Variants in FBLN1 observed in about 807,000 individuals in gnomAD.
FBLN1 encodes the protein fibulin 1.
FBLN1 carries 34 observed loss-of-function variants against 89.7 expected under a neutral mutation model. That is an observed-to-expected ratio of 0.38 (90% confidence interval 0.29 to 0.50). The LOEUF is 0.50. Among genes scored for constraint, FBLN1 ranks in the 20% least tolerant of loss-of-function variants. The pLI, the probability that FBLN1 is intolerant of heterozygous loss-of-function variation, is 0.92. For synonymous variants in FBLN1, 393 were observed against 391.3 expected (o/e 1.00, Z -0.05); for missense variants, 777 against 988.1 (o/e 0.79, Z 2.86).
At position 45,574,312 on chromosome 22, in the gene FBLN1, G is replaced by A. The variant is rs936922154; in HGVS notation, c.1698-199G>A. Among the ~76,000 whole-genome samples, 8 of 152,166 alleles carry A rather than the reference G, an allele frequency of 5.3e-5. No individual in the cohort carries two copies. The highest frequency in any genetic ancestry group is 1.9e-4 in the East Asian group (1 of 5,198). On this transcript the variant is annotated intron_variant, in intron 14 of 16. Transcript: ENST00000327858. This position sits in a 1 kb window ranked among gnomAD's most constrained non-coding sequence, Gnocchi z 4.1. ...AGGGTGTTGCTGGCATTTAGGTCCC[G>A]GTCCAGTTTGCAGGAAGGGCCATGA...
At chr22:45,540,719 C>T (rs542259831) in intron 8 of FBLN1, among the ~76,000 whole-genome samples, 4 of 152,338 alleles carry the variant, frequency 2.6e-5, no homozygotes, top group East Asian at 1.9e-4. Context: ...AAATGCCCCA[C>T]GGTCCCCATG....
At chr22:45,539,547 A>G (rs1203814326) in intron 8 of FBLN1, among the ~76,000 whole-genome samples, 2 of 151,924 alleles carry the variant, frequency 1.3e-5, no homozygotes, top group Non-Finnish European at 2.9e-5. Flanking sequence ...AGGGCTTCCC[A>G]CGTGCCCTGG....
At chr22:45,508,145 T>A (rs577563699) in intron 1 of FBLN1, among the ~76,000 whole-genome samples, 1 of 152,214 alleles carries the variant, frequency 6.6e-6, no homozygotes, top group African/African-American at 2.4e-5. Context: ...CCCTCATCAA[T>A]GAGGGGACAT....
At chr22:45,592,910 T>A (rs1159933821) in intron 16 of FBLN1, among the ~76,000 whole-genome samples, 2 of 152,216 alleles carry the variant, frequency 1.3e-5, no homozygotes, top group African/African-American at 4.8e-5. Context: ...GTATGAGATA[T>A]TGTGCAGTCT....
rs2088686274 is a variant in FBLN1 at position 45,550,404 on chromosome 22, TGATGGG to T, written c.1574-87_1574-82del. The T allele has an allele frequency of 1.3e-6, 2 of 1,599,398 alleles. No homozygotes were observed. The highest frequency in any genetic ancestry group is 2.7e-5 in the African/African-American group (2 of 74,720). The stretch of plus-strand genomic sequence containing the variant: ...CCTGATCGCCACCCCTAACCCTAGT[TGATGGG>T]AGGCCTGGGCTCCTCCGTCTCCAGA... On this transcript the variant is annotated intron_variant, in intron 13 of 16. Transcript: ENST00000327858. This position sits in a 1 kb window ranked among gnomAD's most constrained non-coding sequence, Gnocchi z 8.4.
At chr22:45,571,865 T>C (rs1395568971) in intron 14 of FBLN1, among the ~76,000 whole-genome samples, 1 of 152,112 alleles carries the variant, frequency 6.6e-6, no homozygotes, top group African/African-American at 2.4e-5. Context: ...GCGCGGTGGC[T>C]CACACCTATA....
At position 45,562,202 on chromosome 22, in the gene FBLN1, A is replaced by G. The variant is rs551194583; in HGVS notation, c.1697+11587A>G. On this transcript the variant is annotated intron_variant, in intron 14 of 16. Coordinates refer to ENST00000327858, the MANE Select transcript of FBLN1 (RefSeq NM_006486.3). The surrounding 1 kb of genome is among the most constrained non-coding windows in gnomAD (Gnocchi z 7.8). Reference sequence around the variant, plus strand: ...GAAGTTAGGACCTGTCTCTGTTTCTATCACAGGAAGTTGGGATCTGGCCCT... The same window carrying G: ...GAAGTTAGGACCTGTCTCTGTTTCTGTCACAGGAAGTTGGGATCTGGCCCT... Among the ~76,000 whole-genome samples, 1 of 152,240 alleles carries G rather than the reference A, an allele frequency of 6.6e-6. No individual in the cohort carries two copies. Among genetic ancestry groups the G allele is most frequent in the Admixed American group, 6.5e-5 (1 of 15,298 alleles).
chr22:45,563,333 TAA>T lies in FBLN1; in HGVS notation c.1698-11176_1698-11175del. The T allele has an allele frequency of 6.2e-7, 1 of 1,608,580 alleles. No individual in the cohort carries two copies. Among genetic ancestry groups the T allele is most frequent in the Non-Finnish European group, 8.5e-7 (1 of 1,179,288 alleles). On this transcript the variant is annotated intron_variant, in intron 14 of 16. Coordinates refer to ENST00000327858, the MANE Select transcript of FBLN1 (RefSeq NM_006486.3). The surrounding 1 kb of genome is among the most constrained non-coding windows in gnomAD (Gnocchi z 5.7). ...CTAACCCTGCCCTCCGGGGCGTTAA[TAA>T]AGTCTTAGCAAGCGTCCCACACAGT...
chr22:45,600,158 A>G (rs754603568), intron 16 of FBLN1, 149 bp from the exon 17 acceptor site: 226 of 894,960 alleles, frequency 2.5e-4, no homozygotes, highest in Middle Eastern at 2.3e-3. Context: ...GATGTTATTC[A>G]GGGGACTCGA....
rs79440849 is a variant in FBLN1, at chr22:45,528,075, C to T, written c.484+66C>T. The T allele has an allele frequency of 1.8e-3, 2,877 of 1,556,542 alleles. 59 individuals are homozygous for T. In the African/African-American group the frequency reaches 0.035, roughly 19 times the overall value. Reference sequence around the variant, plus strand: ...GGTTCTCCGGGATGTGTATATAGAGCGAGAGTGGAGAGAGAGAGATTTTAA... The same window carrying T: ...GGTTCTCCGGGATGTGTATATAGAGTGAGAGTGGAGAGAGAGAGATTTTAA... On this transcript the variant is annotated intron_variant, in intron 4 of 16. Transcript: ENST00000327858.
At chr22:45,548,892 C>A in intron 13 of FBLN1, 148 bp downstream of exon 13, 1 of 1,281,858 alleles carries the variant, frequency 7.8e-7, no homozygotes, top group South Asian at 1.3e-5. Flanking sequence ...AGGCCCACCC[C>A]ATCCAAGGGG....
intron 12 of FBLN1, among the ~76,000 whole-genome samples, chr22:45,548,270 C>T (rs1444335797): frequency 2.6e-5 from 4 of 152,196 alleles, no homozygotes; most frequent in Admixed American, 6.5e-5. Context: ...AGGCTGGTCT[C>T]GAACTCCTGG....
At position 45,572,188 on chromosome 22, in the gene FBLN1, T is replaced by A. The variant is rs1008747368; in HGVS notation, c.1698-2323T>A. ...AAAACAGAAATACAAATCCAAGACTTCTTGGAGAAATGGTTGATTCCAGGT... is the reference window on the plus strand; with the variant it reads ...AAAACAGAAATACAAATCCAAGACTACTTGGAGAAATGGTTGATTCCAGGT... On this transcript the variant is annotated intron_variant, in intron 14 of 16. Coordinates refer to ENST00000327858, the MANE Select transcript of FBLN1 (RefSeq NM_006486.3). This position sits in a 1 kb window ranked among gnomAD's most constrained non-coding sequence, Gnocchi z 5.8. 6.6e-6 allele frequency among the ~76,000 whole-genome samples: 1 copy of A among 152,040 alleles called. No homozygotes were observed. Among genetic ancestry groups the A allele is most frequent in the African/African-American group, 2.4e-5 (1 of 41,382 alleles).
chr22:45,567,728 AAT>A (rs2088911371), intron 14 of FBLN1, among the ~76,000 whole-genome samples: 1 of 152,174 alleles, frequency 6.6e-6, no homozygotes, highest in Non-Finnish European at 1.5e-5. Context: ...TAGGAAAAAA[AAT>A]GTTTCCATGG....
rs557807570 is a variant in FBLN1, at chr22:45,529,528, G to C, written c.484+1519G>C. On this transcript the variant is annotated intron_variant, in intron 4 of 16. Coordinates refer to ENST00000327858, the MANE Select transcript of FBLN1 (RefSeq NM_006486.3). Reference sequence around the variant, plus strand: ...AAGCTTGCTGTGTAGTTTTCGGCCTGTTCCCTCCTCTCTCTGAGCTTTGCC... The same window carrying C: ...AAGCTTGCTGTGTAGTTTTCGGCCTCTTCCCTCCTCTCTCTGAGCTTTGCC... Among the ~76,000 whole-genome samples, 3 of 152,250 alleles carry C rather than the reference G, an allele frequency of 2.0e-5. No homozygotes were observed. The South Asian group carries it at 6.2e-4, about 32-fold the overall frequency.
In FBLN1 at chr22:45,574,626, A is replaced by G. The variant is rs2088978558; in HGVS notation, c.1813A>G (p.Thr605Ala). ...CTCCCACACCGTCATCTCGCTGCCTACCTTCCGCGAGTTCACCCGCCCTGA... is the reference window on the plus strand; with the variant it reads ...CTCCCACACCGTCATCTCGCTGCCTGCCTTCCGCGAGTTCACCCGCCCTGA... ...TISHTVISLP[T>A]FREFTRPEEI... The change falls in exon 15 of 17, where the codon ACC becomes GCC. Residue 605 changes from threonine (T) to alanine (A), a missense_variant. Physicochemically the swap from Thr to Ala is moderately conservative, Grantham distance 58. Transcript: ENST00000327858. This position sits in a 1 kb window ranked among gnomAD's most constrained non-coding sequence, Gnocchi z 4.1. The G allele has an allele frequency of 6.2e-7, 1 of 1,613,818 alleles. No individual in the cohort carries two copies. The highest frequency in any genetic ancestry group is 8.5e-7 in the Non-Finnish European group (1 of 1,179,958).
intron 16 of FBLN1, among the ~76,000 whole-genome samples, chr22:45,595,331 C>T (rs79826008): frequency 0.01 from 1,538 of 152,314 alleles, 29 homozygotes; most frequent in African/African-American, 0.035. Flanking sequence ...ATTCCTTGAG[C>T]GCCTGCTGTG....
At chr22:45,525,751 C>A (rs6007075) in intron 3 of FBLN1, 73 bp downstream of exon 3, 4 of 1,541,280 alleles carry the variant, frequency 2.6e-6, no homozygotes, top group African/African-American at 1.4e-5. Context: ...CCCAGCCAAG[C>A]GGCACTGTCT....
rs1017156125 is a variant in FBLN1, at chr22:45,574,880, C to T, written c.1840+227C>T. Among the ~76,000 whole-genome samples, 5 of 148,392 alleles carry T rather than the reference C, an allele frequency of 3.4e-5. No individual in the cohort carries two copies. The highest frequency in any genetic ancestry group is 1.3e-4 in the African/African-American group (5 of 39,852). ...CACTGCAAGCTCCACCTCCCGGGTT[C>T]ACGCCATTCTCCTGCCTCAGCCTTC... On this transcript the variant is annotated intron_variant, in intron 15 of 16. Transcript: ENST00000327858. This position sits in a 1 kb window ranked among gnomAD's most constrained non-coding sequence, Gnocchi z 4.1.
Sources: allele counts gnomAD v4.1 joint callset (sites outside exome capture counted in the v4.1 genomes callset), GRCh38; gene constraint gnomAD v4.1.1; non-coding constraint Gnocchi (gnomAD v3.1); transcripts MANE v1.5; gene names NCBI Gene and HGNC (gene_info 2026-07-23, HGNC 2026-07-21).